GRIK1: variants seen among roughly 807,000 people sequenced by gnomAD.
The protein encoded by GRIK1 is glutamate receptor ionotropic, kainate 1.
A neutral mutation model predicts 105.7 loss-of-function variants in GRIK1; 69 were observed. The observed-to-expected ratio is 0.65, with a 90% CI of 0.54 to 0.80. The LOEUF (loss-of-function observed/expected upper bound fraction) is 0.80, where lower values mean the gene tolerates loss of function less well. Among genes scored for constraint, GRIK1 ranks in the 30% least tolerant of loss-of-function variants. The pLI is 0.00. For missense variants in GRIK1, 1,109 were observed against 1,167.3 expected (o/e 0.95, Z 0.73); for synonymous variants, 438 against 431.3 (o/e 1.02, Z -0.19).
At chr21:29,620,000 C>T (rs1389197870) in intron 7 of GRIK1, among the ~76,000 whole-genome samples, 1 of 152,178 alleles carries the variant, frequency 6.6e-6, no homozygotes, top group Non-Finnish European at 1.5e-5. Context: ...GTTCTCTTTA[C>T]TCCTGAGAGA....
chr21:29,553,603 A>G (rs1285286092), intron 16 of GRIK1: 2 of 1,608,388 alleles, frequency 1.2e-6, no homozygotes, highest in Non-Finnish European at 1.7e-6. Flanking sequence ...TCTCCTCTCG[A>G]ATTAATTTAC....
intron 1 of GRIK1, among the ~76,000 whole-genome samples, chr21:29,782,160 C>T (rs907076915): frequency 9.3e-5 from 14 of 150,470 alleles, no homozygotes; most frequent in African/African-American, 3.4e-4. Flanking sequence ...GATCTCGGCT[C>T]ACTGCAAGCT....
At chr21:29,810,530 G>T (rs2066982937) in intron 1 of GRIK1, among the ~76,000 whole-genome samples, 1 of 152,114 alleles carries the variant, frequency 6.6e-6, no homozygotes, top group Non-Finnish European at 1.5e-5. Context: ...TGCCTGTATA[G>T]TTCCCATTTT....
chr21:29,537,757 G>A, intron 17 of GRIK1, 41 bp downstream of exon 17: 1 of 897,392 alleles, frequency 1.1e-6, no homozygotes. Flanking sequence ...GATTATCAAG[G>A]CATACGGACA....
chr21:29,632,422 T>C (rs1041606311), intron 7 of GRIK1, among the ~76,000 whole-genome samples: 1 of 152,068 alleles, frequency 6.6e-6, no homozygotes, highest in South Asian at 2.1e-4. Context: ...ATGAATGAAC[T>C]GGATAAATAA....
At chr21:29,860,720 T>C (rs2068609357) in intron 1 of GRIK1, among the ~76,000 whole-genome samples, 3 of 152,154 alleles carry the variant, frequency 2.0e-5, no homozygotes, top group Admixed American at 6.5e-5. Flanking sequence ...TAAATATTTA[T>C]ATATTTAAAA....
chr21:29,671,415 T>C (rs1300231491), intron 4 of GRIK1, among the ~76,000 whole-genome samples: 1 of 151,766 alleles, frequency 6.6e-6, no homozygotes, highest in East Asian at 1.9e-4. Context: ...TTTTTTTTTT[T>C]TTTTTTACTC....
chr21:29,638,319 A>T (rs1229192478), intron 7 of GRIK1, among the ~76,000 whole-genome samples: 1 of 151,984 alleles, frequency 6.6e-6, no homozygotes, highest in Non-Finnish European at 1.5e-5. Flanking sequence ...CCCTTCTAAA[A>T]CCGTCAGATC....
At chr21:29,871,626 G>A (rs1412182556) in intron 1 of GRIK1, among the ~76,000 whole-genome samples, 3 of 151,988 alleles carry the variant, frequency 2.0e-5, no homozygotes, top group Non-Finnish European at 4.4e-5. Flanking sequence ...GGCAATGTAT[G>A]CTGTTGTAAA....
rs550424010 is a variant in GRIK1, at chr21:29,738,342, C to T, written c.119-44279G>A. Among the ~76,000 whole-genome samples the T allele has an allele frequency of 3.9e-5, 6 of 152,308 alleles. 1 individual carries two copies. In the South Asian group the frequency reaches 1.2e-3, roughly 32 times the overall value. ...TTTAATAATTACAACCATCTTCCCA[C>T]CTTTGAGAAGATTCCAAACTACATT... is the stretch of plus-strand genomic sequence containing the variant. On this transcript the variant is annotated intron_variant, in intron 1 of 17. Transcript: ENST00000327783.
chr21:29,629,753 T>C (rs1325834771), intron 7 of GRIK1, among the ~76,000 whole-genome samples: 2 of 152,158 alleles, frequency 1.3e-5, no homozygotes, highest in Non-Finnish European at 2.9e-5. Flanking sequence ...CCTCCCAAAG[T>C]GCTGGGATTA....
intron 7 of GRIK1, among the ~76,000 whole-genome samples, chr21:29,606,929 A>G (rs1438096660): frequency 6.6e-6 from 1 of 152,166 alleles, no homozygotes; most frequent in East Asian, 1.9e-4. Flanking sequence ...AGGCACCTGT[A>G]TTTGGTCTCA....
chr21:29,555,354 C>T, intron 15 of GRIK1, 52 bp from the exon 16 acceptor site: 1 of 1,516,072 alleles, frequency 6.6e-7, no homozygotes, highest in East Asian at 2.3e-5. Flanking sequence ...AAGAAGACAT[C>T]CAGAAGTATT....
At chr21:29,659,742 C>T in intron 4 of GRIK1, among the ~76,000 whole-genome samples, 1 of 152,182 alleles carries the variant, frequency 6.6e-6, no homozygotes, top group Non-Finnish European at 1.5e-5. Context: ...GGACGGATCA[C>T]CTGAGGTCGG....
At chr21:29,571,826 A>T (rs930159305) in intron 14 of GRIK1, among the ~76,000 whole-genome samples, 3 of 152,198 alleles carry the variant, frequency 2.0e-5, no homozygotes. Flanking sequence ...CTGAGAAGAA[A>T]AACACTTGAA....
chr21:29,604,582 A>G (rs552728937), intron 7 of GRIK1, among the ~76,000 whole-genome samples: 1 of 152,338 alleles, frequency 6.6e-6, no homozygotes, highest in Admixed American at 6.5e-5. Context: ...TACAATTTAG[A>G]TAATGATATA....
At chr21:29,552,412 A>G (rs363506) in intron 16 of GRIK1, among the ~76,000 whole-genome samples, 115,120 of 152,000 alleles carry the variant, frequency 0.76, 43,636 homozygotes, top group Middle Eastern at 0.81. Flanking sequence ...GTTAGCATGG[A>G]AATTATTTAC....
chr21:29,537,291 G>A lies in GRIK1; in HGVS notation c.2789C>T (p.Ser930Phe), dbSNP rs1388078164. The A allele has an allele frequency of 2.5e-6, 4 of 1,611,032 alleles. No homozygotes were observed. Among genetic ancestry groups the A allele is most frequent in the Non-Finnish European group, 3.4e-6 (4 of 1,177,840 alleles). The change falls in exon 18 of 18, where the codon TCC becomes TTC. Residue 930 changes from serine (S) to phenylalanine (F), a missense_variant. Physicochemically the swap from Ser to Phe is radical, Grantham distance 155 (BLOSUM62 -2). Around this residue, in one of 5 missense-constraint regions of GRIK1, gnomAD observed 161 missense variants for 143.4 expected, o/e 1.12. Coordinates refer to ENST00000327783, the MANE Select transcript of GRIK1 (RefSeq NM_001330994.2). ...KKKSRTKGKS[S>F]FTSILTCHQR... is the part of the protein sequence containing the mutation. ...ATGACAAGTAAGGATACTTGTGAAG[G>A]AAGATTTCCCCTTAGTTCTTGACTT... is the stretch of plus-strand genomic sequence containing the variant.
chr21:29,642,997 T>C, intron 6 of GRIK1, 28 bp from the exon 7 acceptor site: 1 of 1,605,998 alleles, frequency 6.2e-7, no homozygotes, highest in Non-Finnish European at 8.5e-7. Flanking sequence ...CACCGCATCT[T>C]AAATTCCACT....
Sources: allele counts gnomAD v4.1 joint callset (sites outside exome capture counted in the v4.1 genomes callset), GRCh38; gene constraint gnomAD v4.1.1; regional missense constraint gnomAD v4.1.1; transcripts MANE v1.5; gene names NCBI Gene and HGNC (gene_info 2026-07-23, HGNC 2026-07-21).